The following TAFA1 variants were observed in gnomAD, a reference collection of about 807,000 sequenced individuals.
TAFA1 encodes the protein TAFA chemokine like family member 1.
In TAFA1, 4 loss-of-function variants were observed where a neutral mutation model predicts 18.5. The observed-to-expected ratio is 0.22, with a 90% CI of 0.11 to 0.49. The LOEUF is 0.49. Ranked by LOEUF, TAFA1 falls within the 20% of genes least tolerant of loss-of-function variation. The pLI is 0.98. For missense variants in TAFA1, 147 were observed against 169.0 expected (o/e 0.87, Z 0.72); for synonymous variants, 56 against 55.2 (o/e 1.01, Z -0.06).
chr3:68,509,527 T>A (rs1404602296), intron 3 of TAFA1, among the ~76,000 whole-genome samples: 1 of 152,102 alleles, frequency 6.6e-6, no homozygotes, highest in Non-Finnish European at 1.5e-5. Flanking sequence ...ACTATCTGGA[T>A]TTTCATGTAA....
chr3:68,412,754 A>G (rs1172168748), intron 2 of TAFA1, among the ~76,000 whole-genome samples: 10 of 151,854 alleles, frequency 6.6e-5, no homozygotes, highest in Non-Finnish European at 1.5e-4. Flanking sequence ...TATGTGCCAC[A>G]TTTTCTTAAT....
At chr3:67,998,245 G>A in the TAFA1 span, among the ~76,000 whole-genome samples, 3 of 152,048 alleles carry the variant, frequency 2.0e-5, no homozygotes, top group South Asian at 2.1e-4. Flanking sequence ...ATATGAATAC[G>A]TTATTTTATA....
chr3:68,157,940 T>G (rs2065883040), intron 2 of TAFA1, among the ~76,000 whole-genome samples: 1 of 152,212 alleles, frequency 6.6e-6, no homozygotes, highest in Non-Finnish European at 1.5e-5. Flanking sequence ...CTGGCCAACT[T>G]TCACATTTGA....
intron 2 of TAFA1, among the ~76,000 whole-genome samples, chr3:68,183,359 C>G (rs184370217): frequency 6.6e-6 from 1 of 152,154 alleles, no homozygotes; most frequent in East Asian, 1.9e-4. Flanking sequence ...AAATAAGGAA[C>G]CAGAAGTCAT....
intron 2 of TAFA1, among the ~76,000 whole-genome samples, chr3:68,210,660 A>G (rs988720441): frequency 1.3e-5 from 2 of 152,056 alleles, no homozygotes; most frequent in African/African-American, 4.8e-5. Context: ...AGCTCTATTC[A>G]GTAAGCCACC....
At position 68,331,029 on chromosome 3, in the gene TAFA1, A is replaced by G. The variant is rs559530760; in HGVS notation, c.119-86251A>G. Among the ~76,000 whole-genome samples the G allele has an allele frequency of 6.5e-4, 94 of 144,768 alleles. 1 individual carries two copies. The highest frequency in any genetic ancestry group is 4.4e-3 in the Admixed American group (61 of 13,928). 95.0% of individuals were successfully genotyped at this position (144,768 alleles called of 152,430 possible). A position where few individuals can be genotyped will look rare whatever the true frequency, so the allele number is the denominator to read the frequency against. On this transcript the variant is annotated intron_variant, in intron 2 of 4. Coordinates refer to ENST00000478136, the MANE Select transcript of TAFA1 (RefSeq NM_213609.4). ...ATTCACAATAGCTAAAAGGTGAAAC[A>G]AAAAACAACAAATGTCCATCAGCTG...
intron 2 of TAFA1, among the ~76,000 whole-genome samples, chr3:68,131,286 T>C (rs990415974): frequency 3.3e-5 from 5 of 152,124 alleles, no homozygotes; most frequent in Non-Finnish European, 7.3e-5. Flanking sequence ...TAATACCCTC[T>C]TGCCATAATC....
At chr3:68,243,566 GA>G (rs1280586656) in intron 2 of TAFA1, among the ~76,000 whole-genome samples, 1 of 152,084 alleles carries the variant, frequency 6.6e-6, no homozygotes, top group Non-Finnish European at 1.5e-5. Context: ...ACCCTTTTGA[GA>G]TTGGCTTTTT....
At chr3:68,453,828 AT>A (rs2071608830) in intron 3 of TAFA1, among the ~76,000 whole-genome samples, 1 of 152,204 alleles carries the variant, frequency 6.6e-6, no homozygotes, top group Non-Finnish European at 1.5e-5. Context: ...TGAGCTTTTC[AT>A]ATTTCCCATA....
intron 2 of TAFA1, among the ~76,000 whole-genome samples, chr3:68,372,453 T>C (rs2069726424): frequency 1.3e-5 from 2 of 152,186 alleles, no homozygotes; most frequent in South Asian, 4.1e-4. Context: ...CCAAACTCTG[T>C]GTTAATGAGC....
chr3:68,363,435 C>A (rs1011237856), intron 2 of TAFA1, among the ~76,000 whole-genome samples: 14 of 152,090 alleles, frequency 9.2e-5, no homozygotes, highest in African/African-American at 3.4e-4. Context: ...GTAGAGTGTT[C>A]CCACTTGATA....
intron 2 of TAFA1, among the ~76,000 whole-genome samples, chr3:68,298,865 T>C (rs1470977590): frequency 6.6e-6 from 1 of 152,212 alleles, no homozygotes; most frequent in Non-Finnish European, 1.5e-5. Context: ...CTTATAGCAG[T>C]GTGACAATGG....
chr3:68,026,714 A>T (rs571104191), intron 2 of TAFA1, among the ~76,000 whole-genome samples: 3 of 152,294 alleles, frequency 2.0e-5, no homozygotes, highest in Non-Finnish European at 4.4e-5. Context: ...AGGCAGTCTC[A>T]GTCTGCAGTC....
At chr3:68,384,470 T>C (rs1012498418) in intron 2 of TAFA1, among the ~76,000 whole-genome samples, 3 of 152,114 alleles carry the variant, frequency 2.0e-5, no homozygotes, top group African/African-American at 7.2e-5. Flanking sequence ...TGTACTTGTA[T>C]GGTTTTGAGT....
At chr3:68,217,248 A>G (rs554571972) in intron 2 of TAFA1, among the ~76,000 whole-genome samples, 2 of 152,056 alleles carry the variant, frequency 1.3e-5, no homozygotes, top group South Asian at 4.2e-4. Flanking sequence ...ACCTAATATT[A>G]TCTACCCTTG....
intron 2 of TAFA1, among the ~76,000 whole-genome samples, chr3:68,051,911 A>G (rs2064475548): frequency 6.6e-6 from 1 of 152,146 alleles, no homozygotes; most frequent in Non-Finnish European, 1.5e-5. Context: ...TAAGAATACA[A>G]ATGACATTCT....
intron 2 of TAFA1, among the ~76,000 whole-genome samples, chr3:68,085,958 A>G (rs1431753542): frequency 6.6e-6 from 1 of 152,238 alleles, no homozygotes; most frequent in Non-Finnish European, 1.5e-5. Flanking sequence ...ATTGCAGAAG[A>G]TGAACACTCA....
chr3:68,544,427 T>C, intron 4 of TAFA1, 59 bp from the exon 5 acceptor site: 1 of 1,563,094 alleles, frequency 6.4e-7, no homozygotes, highest in Non-Finnish European at 8.8e-7. Flanking sequence ...TAATCACATT[T>C]CTTTGTGCCT....
Position 68,490,853 on chromosome 3 carries a change from G to C in TAFA1, c.260-47903G>C, listed in dbSNP as rs529184949. Among the ~76,000 whole-genome samples the C allele has an allele frequency of 1.5e-4, 21 of 138,744 alleles. 1 individual carries two copies. Among genetic ancestry groups the C allele is most frequent in the East Asian group, 2.2e-4 (1 of 4,520 alleles). The allele number at this position is 138,744 out of a possible 152,430, so 91.0% of individuals were successfully genotyped here. A position where few individuals can be genotyped will look rare whatever the true frequency, so the allele number is the denominator to read the frequency against. On this transcript the variant is annotated intron_variant, in intron 3 of 4. Transcript: ENST00000478136. ...TTTCTTTTTTTTCTTTTTTTTTTGT[G>C]GGGGGGACAGGGTCTTACTCTGTCA...
Sources: allele counts gnomAD v4.1 joint callset (sites outside exome capture counted in the v4.1 genomes callset), GRCh38; gene constraint gnomAD v4.1.1; transcripts MANE v1.5; gene names NCBI Gene and HGNC (gene_info 2026-07-23, HGNC 2026-07-21).